EFNA5: variants seen among roughly 807,000 people sequenced by gnomAD.
The protein encoded by EFNA5 is ephrin-A5.
Under a neutral mutation model 22.9 loss-of-function variants are expected in EFNA5, and 5 were observed. The ratio of observed to expected loss-of-function variants is 0.22; its 90% CI spans 0.11 to 0.46. The LOEUF (loss-of-function observed/expected upper bound fraction) is 0.46, where lower values mean the gene tolerates loss of function less well. Among genes scored for constraint, EFNA5 ranks in the 20% least tolerant of loss-of-function variants. EFNA5 has a pLI of 0.99. For missense variants in EFNA5, 237 were observed against 293.3 expected (o/e 0.81, Z 1.40); for synonymous variants, 113 against 112.2 (o/e 1.01, Z -0.04).
intron 1 of EFNA5, among the ~76,000 whole-genome samples, chr5:107,594,407 A>C (rs1749433903): frequency 6.6e-6 from 1 of 152,162 alleles, no homozygotes; most frequent in East Asian, 1.9e-4. Context: ...CAGTCTTCCA[A>C]GGCAGGGGGC....
At chr5:107,563,460 AG>A (rs1300367001) in intron 1 of EFNA5, among the ~76,000 whole-genome samples, 3 of 152,122 alleles carry the variant, frequency 2.0e-5, no homozygotes, top group Admixed American at 1.3e-4. Context: ...ATTTTAAGAC[AG>A]GGCCTCATTC....
At chr5:107,641,228 C>T (rs1426494776) in intron 1 of EFNA5, among the ~76,000 whole-genome samples, 1 of 151,542 alleles carries the variant, frequency 6.6e-6, no homozygotes, top group African/African-American at 2.4e-5. Context: ...CATGGTGGTA[C>T]GTGCCTGTAG....
intron 1 of EFNA5, among the ~76,000 whole-genome samples, chr5:107,547,010 G>A (rs181288525): frequency 4.2e-4 from 64 of 152,254 alleles, no homozygotes; most frequent in African/African-American, 1.2e-3. Context: ...CTGCAATGAT[G>A]GATGGAAGTA....
chr5:107,456,051 A>T (rs1215382606), intron 1 of EFNA5, among the ~76,000 whole-genome samples: 1 of 152,174 alleles, frequency 6.6e-6, no homozygotes, highest in Non-Finnish European at 1.5e-5. Flanking sequence ...TGTTAAAGAT[A>T]TTAATTGTCT....
At chr5:107,525,097 C>T (rs1747668420) in intron 1 of EFNA5, among the ~76,000 whole-genome samples, 1 of 152,084 alleles carries the variant, frequency 6.6e-6, no homozygotes, top group South Asian at 2.1e-4. Context: ...TCCAGCATTG[C>T]CTGAGAGACT....
intron 1 of EFNA5, among the ~76,000 whole-genome samples, chr5:107,484,092 T>A (rs1004372543): frequency 3.4e-4 from 52 of 152,312 alleles, no homozygotes; most frequent in Admixed American, 1.5e-3. Flanking sequence ...TGCCTTAAAG[T>A]TCACTCTGTC....
At chr5:107,459,100 C>A (rs1399463411) in intron 1 of EFNA5, among the ~76,000 whole-genome samples, 1 of 151,802 alleles carries the variant, frequency 6.6e-6, no homozygotes, top group Non-Finnish European at 1.5e-5. Flanking sequence ...ATTTTAGGAC[C>A]TCAAAATATC....
intron 2 of EFNA5, among the ~76,000 whole-genome samples, chr5:107,395,168 A>G (rs540820455): frequency 8.6e-5 from 13 of 151,276 alleles, no homozygotes; most frequent in African/African-American, 3.2e-4. Context: ...CCTCCTGAGT[A>G]GCTGGGATTA....
intron 1 of EFNA5, among the ~76,000 whole-genome samples, chr5:107,465,775 T>C (rs1041691235): frequency 6.6e-6 from 1 of 151,938 alleles, no homozygotes; most frequent in South Asian, 2.1e-4. Flanking sequence ...GGTGTCTTAG[T>C]ATATCACGAG....
At chr5:107,621,162 G>A (rs976437776) in intron 1 of EFNA5, among the ~76,000 whole-genome samples, 1 of 152,164 alleles carries the variant, frequency 6.6e-6, no homozygotes, top group African/African-American at 2.4e-5. Context: ...AGGCAACTGT[G>A]GCAGACAGGC....
At chr5:107,617,032 A>G (rs1165565418) in intron 1 of EFNA5, among the ~76,000 whole-genome samples, 2 of 151,022 alleles carry the variant, frequency 1.3e-5, no homozygotes, top group Non-Finnish European at 3.0e-5. Context: ...CCCTTAATGT[A>G]CTTTTATGGA....
intron 1 of EFNA5, among the ~76,000 whole-genome samples, chr5:107,614,459 T>TA: frequency 6.6e-6 from 1 of 152,144 alleles, no homozygotes; most frequent in Non-Finnish European, 1.5e-5. Context: ...AATATACTGT[T>TA]AAAAAATAAG....
intron 1 of EFNA5, among the ~76,000 whole-genome samples, chr5:107,497,109 GTAAGTTGC>G (rs1480040145): frequency 2.6e-5 from 4 of 152,214 alleles, no homozygotes; most frequent in Non-Finnish European, 4.4e-5. Context: ...AAGCTGGTTA[GTAAGTTGC>G]CATGGTATCG....
rs150960179 is a variant in EFNA5, at chr5:107,493,559, G to A, written c.126-66050C>T. On this transcript the variant is annotated intron_variant, in intron 1 of 4. Coordinates refer to ENST00000333274, the MANE Select transcript of EFNA5 (RefSeq NM_001962.3). ...AAAAAACAAAAACAAAAACAAACAA[G>A]TATATTACAAGACTCTGGAAAACCG... is the stretch of plus-strand genomic sequence containing the variant. 9.0e-3 allele frequency among the ~76,000 whole-genome samples: 1,365 copies of A among 152,198 alleles called. 26 individuals are homozygous for A. The highest frequency in any genetic ancestry group is 0.031 in the African/African-American group (1,289 of 41,518).
chr5:107,399,334 G>GGAAAA (rs1748023305), intron 2 of EFNA5, among the ~76,000 whole-genome samples: 1 of 143,540 alleles, frequency 7.0e-6, no homozygotes, highest in Admixed American at 7.2e-5. Flanking sequence ...GGAAAGGAAA[G>GGAAAA]GAAAGGAAAG....
At chr5:107,595,529 C>T (rs1044281207) in intron 1 of EFNA5, among the ~76,000 whole-genome samples, 1 of 151,978 alleles carries the variant, frequency 6.6e-6, no homozygotes, top group Non-Finnish European at 1.5e-5. Flanking sequence ...GAAAAAGAAG[C>T]AATAACTCAT....
At chr5:107,413,169 C>T (rs1449891948) in intron 2 of EFNA5, among the ~76,000 whole-genome samples, 4 of 152,144 alleles carry the variant, frequency 2.6e-5, no homozygotes, top group East Asian at 3.9e-4. Flanking sequence ...AAACCCAGGC[C>T]TCCTCATTCT....
chr5:107,566,869 C>A (rs1748676399), intron 1 of EFNA5, among the ~76,000 whole-genome samples: 1 of 152,188 alleles, frequency 6.6e-6, no homozygotes, highest in Non-Finnish European at 1.5e-5. Context: ...CAAATATGTC[C>A]TTAAATGCAA....
chr5:107,632,277 G>T (rs1222889927), intron 1 of EFNA5, among the ~76,000 whole-genome samples: 1 of 151,320 alleles, frequency 6.6e-6, no homozygotes, highest in African/African-American at 2.4e-5. Context: ...CCCTTTTCCA[G>T]TCTTTTTTCC....
Sources: gnomAD v4.1 joint callset for allele counts (sites outside exome capture counted in the v4.1 genomes callset) on GRCh38, gnomAD v4.1.1 for gene constraint, MANE v1.5 for transcripts, NCBI Gene and HGNC (gene_info 2026-07-23, HGNC 2026-07-21) for gene names.